Variants in CTNNA2 observed in about 807,000 individuals in gnomAD.
The protein encoded by CTNNA2 is catenin alpha 2, also known as catenin alpha-2.
CTNNA2 carries 42 observed loss-of-function variants against 101.0 expected under a neutral mutation model. The ratio of observed to expected loss-of-function variants is 0.42; its 90% CI spans 0.32 to 0.54. The LOEUF (loss-of-function observed/expected upper bound fraction) is 0.54, where lower values mean the gene tolerates loss of function less well. Among genes scored for constraint, CTNNA2 ranks in the 20% least tolerant of loss-of-function variants. The pLI is 0.14. For missense variants in CTNNA2, 871 were observed against 1,223.1 expected (o/e 0.71, Z 4.29); for synonymous variants, 450 against 456.4 (o/e 0.99, Z 0.18).
intron 2 of CTNNA2, among the ~76,000 whole-genome samples, chr2:79,695,930 T>C (rs1684623889): frequency 6.6e-6 from 1 of 152,058 alleles, no homozygotes; most frequent in Non-Finnish European, 1.5e-5. Flanking sequence ...TGGCCAATAT[T>C]TGCCAGAGGC....
At position 80,574,119 on chromosome 2, in the gene CTNNA2, G is replaced by A. The variant is rs534690581; in HGVS notation, c.1742-44G>A. 8 of 1,583,052 alleles carry A rather than the reference G, an allele frequency of 5.1e-6. No individual in the cohort carries two copies. In the South Asian group the frequency reaches 7.9e-5, roughly 16 times the overall value. Reference sequence around the variant, plus strand: ...CCCAAGAGCTGGAATAAGAGGTAGTGAGAGAGAAATTGCCTAATCCTCTGC... The same window carrying A: ...CCCAAGAGCTGGAATAAGAGGTAGTAAGAGAGAAATTGCCTAATCCTCTGC... On this transcript the variant is annotated intron_variant, in intron 12 of 18. Coordinates refer to ENST00000402739, the MANE Select transcript of CTNNA2 (RefSeq NM_001282597.3).
intron 4 of CTNNA2, among the ~76,000 whole-genome samples, chr2:79,379,216 ATAACT>A (rs1298222123): frequency 2.6e-5 from 4 of 152,240 alleles, no homozygotes; most frequent in African/African-American, 9.6e-5. Context: ...CCTACTGCAC[ATAACT>A]TAGGTTGGCC....
intron 4 of CTNNA2, among the ~76,000 whole-genome samples, chr2:79,466,771 T>C (rs1186861808): frequency 2.6e-5 from 4 of 152,230 alleles, no homozygotes. Flanking sequence ...GAAAAAGGTC[T>C]GGAGTGGACC....
At chr2:79,351,140 T>G (rs926303331) in intron 3 of CTNNA2, among the ~76,000 whole-genome samples, 1 of 152,216 alleles carries the variant, frequency 6.6e-6, no homozygotes, top group African/African-American at 2.4e-5. Context: ...TTTAGATAAG[T>G]CCCATTTGTC....
chr2:79,464,073 TG>T (rs1471576615), intron 4 of CTNNA2, among the ~76,000 whole-genome samples: 1 of 152,002 alleles, frequency 6.6e-6, no homozygotes, highest in Admixed American at 6.6e-5. Context: ...CATGTTGGTG[TG>T]CTGCACTCAT....
At chr2:80,321,836 A>G (rs1042011161) in intron 7 of CTNNA2, among the ~76,000 whole-genome samples, 13 of 152,156 alleles carry the variant, frequency 8.5e-5, no homozygotes, top group African/African-American at 3.1e-4. Context: ...TCAATACCTT[A>G]TTTCTGCTAA....
chr2:80,429,157 T>G (rs1681257368), intron 9 of CTNNA2, among the ~76,000 whole-genome samples: 1 of 152,166 alleles, frequency 6.6e-6, no homozygotes, highest in South Asian at 2.1e-4. Context: ...AACCCTACCA[T>G]ATTTTGTAAG....
At chr2:79,962,793 CG>C (rs1423076809) in intron 7 of CTNNA2, among the ~76,000 whole-genome samples, 1 of 152,072 alleles carries the variant, frequency 6.6e-6, no homozygotes, top group Non-Finnish European at 1.5e-5. Context: ...CAAAATTGGC[CG>C]GGCGCGGTGG....
intron 7 of CTNNA2, among the ~76,000 whole-genome samples, chr2:80,215,000 A>G (rs1708165334): frequency 6.6e-6 from 1 of 151,946 alleles, no homozygotes. Flanking sequence ...GCTTCATTTC[A>G]TTCATTTAAC....
intron 4 of CTNNA2, among the ~76,000 whole-genome samples, chr2:79,420,292 G>A (rs1041519848): frequency 2.0e-5 from 3 of 152,070 alleles, no homozygotes; most frequent in African/African-American, 7.2e-5. Flanking sequence ...ATGAAGCAGG[G>A]GCTCAATGTA....
intron 2 of CTNNA2, among the ~76,000 whole-genome samples, chr2:79,660,224 ATATG>A (rs1681927372): frequency 6.8e-6 from 1 of 147,616 alleles, no homozygotes; most frequent in African/African-American, 2.5e-5. Flanking sequence ...ATATTTGTAT[ATATG>A]TATGTATACT....
chr2:79,331,498 A>T (rs1282541387), intron 3 of CTNNA2, among the ~76,000 whole-genome samples: 2 of 151,974 alleles, frequency 1.3e-5, no homozygotes, highest in Non-Finnish European at 2.9e-5. Context: ...CTGTCCTCTC[A>T]CTTCTTATGC....
rs147610464 is a variant in CTNNA2 at position 80,052,616 on chromosome 2, G to A, written c.1056+142819G>A. Among the ~76,000 whole-genome samples the A allele has an allele frequency of 1.7e-3, 264 of 152,312 alleles. 3 individuals carry two copies. The highest frequency in any genetic ancestry group is 6.8e-3 in the Middle Eastern group (2 of 294). On this transcript the variant is annotated intron_variant, in intron 7 of 18. Coordinates refer to ENST00000402739, the MANE Select transcript of CTNNA2 (RefSeq NM_001282597.3). ...GGTGAAGCTCTTCTTACTTCAAATA[G>A]AGTAAAACTTAAGTGTATATTTTTA...
intron 7 of CTNNA2, among the ~76,000 whole-genome samples, chr2:80,022,897 C>G (rs1694669830): frequency 6.6e-6 from 1 of 152,162 alleles, no homozygotes; most frequent in Admixed American, 6.5e-5. Context: ...GGCCATCATT[C>G]AGATCTGGGG....
chr2:79,308,059 T>A (rs1676286551), intron 2 of CTNNA2, among the ~76,000 whole-genome samples: 1 of 152,172 alleles, frequency 6.6e-6, no homozygotes, highest in South Asian at 2.1e-4. Context: ...TTTTATTTAT[T>A]TCGAGATTGA....
At position 79,964,473 on chromosome 2, in the gene CTNNA2, T is replaced by C. The variant is rs536815424; in HGVS notation, c.1056+54676T>C. Among the ~76,000 whole-genome samples, 433 of 152,238 alleles carry C rather than the reference T, an allele frequency of 2.8e-3. 1 individual carries two copies. Among genetic ancestry groups the C allele is most frequent in the Non-Finnish European group, 4.0e-3 (273 of 68,002 alleles). On this transcript the variant is annotated intron_variant, in intron 7 of 18. Coordinates refer to ENST00000402739, the MANE Select transcript of CTNNA2 (RefSeq NM_001282597.3). The stretch of plus-strand genomic sequence containing the variant: ...TTACTTTTCCCCTTTTAGCAACTCA[T>C]GAGAAAAAGAAGTCTTTATGAAATT...
At chr2:79,239,804 A>T (rs1423645832) in intron 2 of CTNNA2, among the ~76,000 whole-genome samples, 1 of 152,224 alleles carries the variant, frequency 6.6e-6, no homozygotes, top group Non-Finnish European at 1.5e-5. Flanking sequence ...TCCATCTGAC[A>T]AAGGGCTAAT....
intron 6 of CTNNA2, among the ~76,000 whole-genome samples, chr2:79,901,404 T>A (rs1011558118): frequency 2.0e-5 from 3 of 152,012 alleles, no homozygotes; most frequent in Non-Finnish European, 4.4e-5. Context: ...ATGAAGGTAG[T>A]AAAAATCCAG....
intron 7 of CTNNA2, among the ~76,000 whole-genome samples, chr2:80,202,214 A>G (rs1431691008): frequency 1.3e-5 from 2 of 152,164 alleles, no homozygotes; most frequent in Non-Finnish European, 2.9e-5. Flanking sequence ...ATGTACCTGT[A>G]TCTGTTGATG....
Sources: gnomAD v4.1 joint callset for allele counts (sites outside exome capture counted in the v4.1 genomes callset) on GRCh38, gnomAD v4.1.1 for gene constraint, MANE v1.5 for transcripts, NCBI Gene and HGNC (gene_info 2026-07-23, HGNC 2026-07-21) for gene names.